Variants in ANO4 observed in about 807,000 individuals in gnomAD.
The protein encoded by ANO4 is anoctamin-4.
Under a neutral mutation model 141.9 loss-of-function variants are expected in ANO4, and 69 were observed. That is an observed-to-expected ratio of 0.49 (90% CI 0.40 to 0.59). The LOEUF is 0.59. ANO4 is among the 20% of genes least tolerant of loss of function. ANO4 has a pLI of 0.00. For missense variants in ANO4, 894 were observed against 1,162.2 expected (o/e 0.77, Z 3.36); for synonymous variants, 350 against 394.3 (o/e 0.89, Z 1.33).
At chr12:101,041,348 T>C (rs549822218) in intron 11 of ANO4, among the ~76,000 whole-genome samples, 1 of 152,352 alleles carries the variant, frequency 6.6e-6, no homozygotes, top group South Asian at 2.1e-4. Flanking sequence ...GAAAATATTT[T>C]CTGAGATAAG....
Position 100,977,740 on chromosome 12 carries a change from A to G in ANO4, c.602+2851A>G, listed in dbSNP as rs567061541. Among the ~76,000 whole-genome samples, 10 of 152,170 alleles carry G rather than the reference A, an allele frequency of 6.6e-5. No homozygotes were observed. In the South Asian group the frequency reaches 1.9e-3, roughly 28 times the overall value. On this transcript the variant is annotated intron_variant, in intron 7 of 27. Coordinates refer to ENST00000392977, the MANE Select transcript of ANO4 (RefSeq NM_001286615.2). Reference sequence around the variant, plus strand: ...TCTGACCCCTTCCAAACTCTCTTCTATTCATCTCCTGAGTAGCAAATCTGA... The same window carrying G: ...TCTGACCCCTTCCAAACTCTCTTCTGTTCATCTCCTGAGTAGCAAATCTGA...
intron 13 of ANO4, chr12:101,048,135 C>G: frequency 9.5e-7 from 1 of 1,052,398 alleles, no homozygotes; most frequent in South Asian, 2.1e-5. Flanking sequence ...ATAAAGAGAA[C>G]AAATTGTATC....
chr12:100,768,951 A>G (rs1037164863), intron 3 of ANO4, among the ~76,000 whole-genome samples: 1 of 152,190 alleles, frequency 6.6e-6, no homozygotes, highest in African/African-American at 2.4e-5. Flanking sequence ...TAAAAATGTC[A>G]TGTCATGAAT....
intron 3 of ANO4, among the ~76,000 whole-genome samples, chr12:100,932,288 A>G (rs1290032172): frequency 1.3e-5 from 2 of 152,092 alleles, no homozygotes; most frequent in Non-Finnish European, 2.9e-5. Context: ...GAAAAGAGCA[A>G]TGAATCAAAG....
intron 8 of ANO4, among the ~76,000 whole-genome samples, chr12:101,001,049 ATATT>A (rs1276644612): frequency 1.2e-4 from 18 of 152,332 alleles, no homozygotes; most frequent in African/African-American, 4.3e-4. Flanking sequence ...GTGTGCATGT[ATATT>A]TATGTGTGCA....
intron 13 of ANO4, among the ~76,000 whole-genome samples, chr12:101,044,379 A>C (rs74622880): frequency 0.023 from 3,456 of 152,310 alleles, 130 homozygotes; most frequent in African/African-American, 0.079. Flanking sequence ...CTTTCTCGTG[A>C]TATGCCTTAC....
At chr12:100,930,723 T>C (rs2042057389) in intron 3 of ANO4, among the ~76,000 whole-genome samples, 1 of 152,208 alleles carries the variant, frequency 6.6e-6, no homozygotes, top group African/African-American at 2.4e-5. Context: ...TAGGGAGATG[T>C]CAACACAACC....
At chr12:100,797,463 A>G (rs56017548) in intron 1 of ANO4, among the ~76,000 whole-genome samples, 5,976 of 152,210 alleles carry the variant, frequency 0.039, 396 homozygotes, top group African/African-American at 0.14. Context: ...GGAAAAATTG[A>G]TAAAAGCTGT....
intron 5 of ANO4, among the ~76,000 whole-genome samples, chr12:100,970,884 A>T (rs2043904383): frequency 6.6e-6 from 1 of 151,752 alleles, no homozygotes; most frequent in Non-Finnish European, 1.5e-5. Flanking sequence ...ATGCCTAGCT[A>T]ATGTTTGTAT....
At chr12:100,865,705 A>C (rs2038719656) in intron 1 of ANO4, among the ~76,000 whole-genome samples, 1 of 152,228 alleles carries the variant, frequency 6.6e-6, no homozygotes, top group Non-Finnish European at 1.5e-5. Context: ...TCCAGGTCTC[A>C]GCAGGAAACA....
At chr12:101,118,401 A>G (rs2050942717) in intron 25 of ANO4, among the ~76,000 whole-genome samples, 1 of 152,222 alleles carries the variant, frequency 6.6e-6, no homozygotes, top group Non-Finnish European at 1.5e-5. Flanking sequence ...AAGTTAAATT[A>G]TGATTGTTTT....
In ANO4 at chr12:100,743,762, T is replaced by C. The variant is rs1192276886; in HGVS notation, c.358+3657T>C. Among the ~76,000 whole-genome samples the C allele has an allele frequency of 2.6e-5, 4 of 152,222 alleles. No individual in the cohort carries two copies. The East Asian group carries it at 7.7e-4, about 29-fold the overall frequency. ...GGAGTACACGTGCAGGTTTGCTACATGGCCAAATTGCATTTCGCTTGGGTT... is the reference window on the plus strand; with the variant it reads ...GGAGTACACGTGCAGGTTTGCTACACGGCCAAATTGCATTTCGCTTGGGTT... On this transcript the variant is annotated intron_variant, in intron 3 of 29. Transcript: ENST00000644049.
At chr12:100,840,700 C>T (rs905361177) in intron 1 of ANO4, among the ~76,000 whole-genome samples, 5 of 152,136 alleles carry the variant, frequency 3.3e-5, no homozygotes, top group African/African-American at 4.8e-5. Context: ...TGTTTGTTTT[C>T]CAGCCAAACA....
In ANO4 at chr12:101,037,612, C is replaced by G. The variant is rs189904709; in HGVS notation, c.897+462C>G. Among the ~76,000 whole-genome samples, 283 of 152,306 alleles carry G rather than the reference C, an allele frequency of 1.9e-3. 2 individuals carry two copies. The highest frequency in any genetic ancestry group is 6.4e-3 in the African/African-American group (266 of 41,558). The stretch of plus-strand genomic sequence containing the variant: ...TAATAATGTTGTACTCATCATTGTT[C>G]ACCTAAGATGTATAAATACTGTGAC... On this transcript the variant is annotated intron_variant, in intron 10 of 27. Transcript: ENST00000392977.
chr12:100,898,647 A>G (rs1228044617), intron 1 of ANO4, among the ~76,000 whole-genome samples: 3 of 152,184 alleles, frequency 2.0e-5, no homozygotes, highest in Non-Finnish European at 4.4e-5. Flanking sequence ...AATGCCATTT[A>G]TTTCCATGAT....
At chr12:100,880,277 T>C (rs1382434782) in intron 1 of ANO4, among the ~76,000 whole-genome samples, 1 of 152,204 alleles carries the variant, frequency 6.6e-6, no homozygotes, top group Non-Finnish European at 1.5e-5. Context: ...ATAGGTCATG[T>C]CTCAGTAATA....
intron 8 of ANO4, among the ~76,000 whole-genome samples, chr12:101,008,269 A>G (rs1282938643): frequency 3.3e-5 from 5 of 152,178 alleles, no homozygotes; most frequent in African/African-American, 1.2e-4. Flanking sequence ...AAAAACAGCA[A>G]TCCCATGCTT....
chr12:101,068,507 C>A lies in ANO4; in HGVS notation c.1313-10686C>A, dbSNP rs1263693862. The stretch of plus-strand genomic sequence containing the variant: ...TGTTCTCAGTAAAGATCGCAACTTT[C>A]ATATTTTCCTGGAATATGATCAGGA... On this transcript the variant is annotated intron_variant, in intron 14 of 27. Coordinates refer to ENST00000392977, the MANE Select transcript of ANO4 (RefSeq NM_001286615.2). 2.8e-6 allele frequency: 3 copies of A among 1,087,816 alleles called. No homozygotes were observed. The African/African-American group carries it at 4.6e-5, about 17-fold the overall frequency. 67.4% of individuals were successfully genotyped at this position (1,087,816 alleles called of 1,614,324 possible). A position where few individuals can be genotyped will look rare whatever the true frequency, so the allele number is the denominator to read the frequency against.
At chr12:100,825,253 AAAAC>A (rs942205599) in intron 1 of ANO4, among the ~76,000 whole-genome samples, 41 of 152,172 alleles carry the variant, frequency 2.7e-4, no homozygotes, top group Admixed American at 2.4e-3. Context: ...AACATTTAGG[AAAAC>A]AAACAAATAC....
Sources: gnomAD v4.1 joint callset for allele counts (sites outside exome capture counted in the v4.1 genomes callset) on GRCh38, gnomAD v4.1.1 for gene constraint, MANE v1.5 for transcripts, NCBI Gene and HGNC (gene_info 2026-07-23, HGNC 2026-07-21) for gene names.